STRAP: variants seen among roughly 807,000 people sequenced by gnomAD.
STRAP encodes the protein serine-threonine kinase receptor-associated protein.
STRAP carries 16 observed loss-of-function variants against 47.0 expected under a neutral mutation model. That is an observed-to-expected ratio of 0.34 (90% CI 0.23 to 0.52). The LOEUF is 0.52. Among genes scored for constraint, STRAP ranks in the 20% least tolerant of loss-of-function variants. The probability of loss-of-function intolerance (pLI) is 0.96; values close to 1 mark genes in which losing one functional copy is unlikely to be tolerated. For missense variants in STRAP, 293 were observed against 420.0 expected, an observed-to-expected ratio of 0.70 and a Z score of 2.64; for synonymous variants, 130 against 142.7, an observed-to-expected ratio of 0.91 and a Z score of 0.63.
At chr12:15,884,115 AC>A (rs765979351) in intron 2 of STRAP, among the ~76,000 whole-genome samples, 1 of 152,208 alleles carries the variant, frequency 6.6e-6, no homozygotes, top group Non-Finnish European at 1.5e-5. Flanking sequence ...CAACAAAAAA[AC>A]AAAACTCAGC....
At chr12:15,882,865 G>C (rs371612728) in intron 1 of STRAP, 46 bp downstream of exon 1, 1 of 1,566,480 alleles carries the variant, frequency 6.4e-7, no homozygotes, top group Non-Finnish European at 8.7e-7. Context: ...GGACTGGGCT[G>C]AAAGGGATCG....
Position 15,883,015 on chromosome 12 carries a change from T to C in STRAP, c.112+196T>C, listed in dbSNP as rs555881135. The C allele has an allele frequency of 1.5e-4, 229 of 1,516,836 alleles. 3 individuals are homozygous for C. The South Asian group carries it at 2.6e-3, about 17-fold the overall frequency. The allele number at this position is 1,516,836 out of a possible 1,614,324, so 94.0% of individuals were successfully genotyped here. A position where few individuals can be genotyped will look rare whatever the true frequency, so the allele number is the denominator to read the frequency against. ...TCCGCAGCTGGAGCCGAGAGGACGC[T>C]TTTGTAGAAACTATTACCTCCAACT... On this transcript the variant is annotated intron_variant, in intron 1 of 9. Transcript: ENST00000419869.
intron 2 of STRAP, among the ~76,000 whole-genome samples, chr12:15,884,720 G>T (rs1369546572): frequency 6.6e-6 from 1 of 152,034 alleles, no homozygotes; most frequent in Admixed American, 6.6e-5. Context: ...GGTTTGATTG[G>T]TCTGGGGATG....
rs1044599276 is a variant in STRAP, at chr12:15,896,177, T to C, written c.638+681T>C. 2.0e-5 allele frequency among the ~76,000 whole-genome samples: 3 copies of C among 152,114 alleles called. No homozygotes were observed. The highest frequency in any genetic ancestry group is 4.4e-5 in the Non-Finnish European group (3 of 68,016). On this transcript the variant is annotated intron_variant, in intron 6 of 9. Coordinates refer to ENST00000419869, the MANE Select transcript of STRAP (RefSeq NM_007178.4). This position sits in a 1 kb window ranked among gnomAD's most constrained non-coding sequence, Gnocchi z 4.1. ...TAATCCCAGGAGGTGGAGGTTGTTT[T>C]GAGCTGTGGTCACACCACTGCATTC...
chr12:15,898,095 TATATATATGTTAC>T lies in STRAP; in HGVS notation c.775+89_775+101del, dbSNP rs1948075014. The T allele has an allele frequency of 2.4e-6, 3 of 1,256,284 alleles. No homozygotes were observed. In the Admixed American group the frequency reaches 8.5e-5, roughly 36 times the overall value. The allele number at this position is 1,256,284 out of a possible 1,614,324, so 77.8% of individuals were successfully genotyped here. ...CAGTAATTAACACCTCATTTATATA[TATATATATGTTAC>T]ATATATATGTTGAAAGTAAATTTTT... On this transcript the variant is annotated intron_variant, in intron 7 of 9. Transcript: ENST00000419869.
rs182947460 is a variant in STRAP, at chr12:15,893,460, T to G, written c.404-587T>G. Among the ~76,000 whole-genome samples the G allele has an allele frequency of 7.2e-3, 1,062 of 146,964 alleles. 13 individuals are homozygous for G. Among genetic ancestry groups the G allele is most frequent in the African/African-American group, 0.025 (1,021 of 40,698 alleles). On this transcript the variant is annotated intron_variant, in intron 4 of 9. Coordinates refer to ENST00000419869, the MANE Select transcript of STRAP (RefSeq NM_007178.4). Reference sequence around the variant, plus strand: ...TACTTTTTATTTATTATACATATAATAAATATATACTTTTTATTATATATA... The same window carrying G: ...TACTTTTTATTTATTATACATATAAGAAATATATACTTTTTATTATATATA...
At chr12:15,888,088 A>G (rs912003204) in intron 2 of STRAP, among the ~76,000 whole-genome samples, 1 of 152,162 alleles carries the variant, frequency 6.6e-6, no homozygotes, top group Non-Finnish European at 1.5e-5. Flanking sequence ...AAATTTAAGC[A>G]CCGTAATAAG....
chr12:15,893,208 GA>G, intron 4 of STRAP, among the ~76,000 whole-genome samples: 1 of 151,770 alleles, frequency 6.6e-6, no homozygotes, highest in South Asian at 2.1e-4. Context: ...TCACAGTGTA[GA>G]AACATTCTTG....
chr12:15,885,188 T>TTTTTTTTTTG (rs1947959275), intron 2 of STRAP, among the ~76,000 whole-genome samples: 2 of 148,204 alleles, frequency 1.3e-5, no homozygotes, highest in Admixed American at 6.7e-5. Context: ...GTGTTTTTTT[T>TTTTTTTTTTG]TTTTTTTTTT....
chr12:15,892,905 T>C (rs1217715004), intron 4 of STRAP, among the ~76,000 whole-genome samples: 1 of 152,250 alleles, frequency 6.6e-6, no homozygotes, highest in Non-Finnish European at 1.5e-5. Context: ...AAAGCTGTTT[T>C]ATGAAAGTTG....
At chr12:15,899,413 TCTCAC>T (rs1440431502) in intron 7 of STRAP, among the ~76,000 whole-genome samples, 1 of 152,226 alleles carries the variant, frequency 6.6e-6, no homozygotes, top group Non-Finnish European at 1.5e-5. Flanking sequence ...TTGATCTATA[TCTCAC>T]CTTTCTGTGT....
chr12:15,892,922 C>T (rs543320627), intron 4 of STRAP, among the ~76,000 whole-genome samples: 61 of 152,242 alleles, frequency 4.0e-4, no homozygotes, highest in Middle Eastern at 3.4e-3. Context: ...GTTGCTCTTT[C>T]GCTGTGCTGG....
chr12:15,889,858 A>G, intron 2 of STRAP, 70 bp from the exon 3 acceptor site: 1 of 1,259,992 alleles, frequency 7.9e-7, no homozygotes, highest in Non-Finnish European at 1.1e-6. Flanking sequence ...CATCAATATT[A>G]TAATTGTATT....
chr12:15,882,900 G>T, intron 1 of STRAP, 81 bp downstream of exon 1: 2 of 1,464,826 alleles, frequency 1.4e-6, no homozygotes, highest in East Asian at 2.4e-5. Context: ...CAGTGCCGAA[G>T]CGGTGGTGTG....
chr12:15,883,851 T>C lies in STRAP; in HGVS notation c.248+175T>C, dbSNP rs370506816. ...TCCATCGTGGTCCTGTGTGCTTCTT[T>C]GTCTTCAGTGGTTCTCAAAATTTTC... On this transcript the variant is annotated intron_variant, in intron 2 of 9. Coordinates refer to ENST00000419869, the MANE Select transcript of STRAP (RefSeq NM_007178.4). 8.6e-4 allele frequency among the ~76,000 whole-genome samples: 131 copies of C among 152,366 alleles called. 1 individual carries two copies. In the South Asian group the frequency reaches 0.014, roughly 17 times the overall value.
At chr12:15,891,704 A>G (rs969645704) in intron 4 of STRAP, among the ~76,000 whole-genome samples, 3 of 152,160 alleles carry the variant, frequency 2.0e-5, no homozygotes, top group Non-Finnish European at 4.4e-5. Context: ...GTGCTTTGGG[A>G]GGCCAAGGTG....
rs941573762 is a variant in STRAP, at chr12:15,903,125, A to C, written c.*147A>C. On this transcript the variant is annotated 3_prime_UTR_variant, in exon 10 of 10. Coordinates refer to ENST00000419869, the MANE Select transcript of STRAP (RefSeq NM_007178.4). Reference sequence around the variant, plus strand: ...AATTAGCTCCAGTGCTGGAACAACTAACTAACTTGGTGTTACCTGTAAGTG... The same window carrying C: ...AATTAGCTCCAGTGCTGGAACAACTCACTAACTTGGTGTTACCTGTAAGTG... 3 of 833,674 alleles carry C rather than the reference A, an allele frequency of 3.6e-6. No individual in the cohort carries two copies. The highest frequency in any genetic ancestry group is 5.1e-6 in the Non-Finnish European group (3 of 587,500). 51.6% of individuals were successfully genotyped at this position (833,674 alleles called of 1,614,324 possible). A position where few individuals can be genotyped will look rare whatever the true frequency, so the allele number is the denominator to read the frequency against.
intron 2 of STRAP, among the ~76,000 whole-genome samples, chr12:15,883,955 G>A (rs1947945874): frequency 6.6e-6 from 1 of 152,186 alleles, no homozygotes; most frequent in African/African-American, 2.4e-5. Context: ...GATAATGAAT[G>A]TTGATCTCCT....
chr12:15,898,085 C>A (rs1241356861), intron 7 of STRAP, 67 bp downstream of exon 7: 4 of 1,331,770 alleles, frequency 3.0e-6, no homozygotes, highest in Non-Finnish European at 4.1e-6. Context: ...ATTAACACCT[C>A]ATTTATATAT....
Sources: gnomAD v4.1 joint callset for allele counts (sites outside exome capture counted in the v4.1 genomes callset) on GRCh38, gnomAD v4.1.1 for gene constraint, Gnocchi (gnomAD v3.1) non-coding constraint, MANE v1.5 for transcripts, NCBI Gene and HGNC (gene_info 2026-07-23, HGNC 2026-07-21) for gene names.